SHANK1: variants seen among roughly 807,000 people sequenced by gnomAD.
SHANK1 encodes SH3 and multiple ankyrin repeat domains protein 1.
Under a neutral mutation model 165.6 loss-of-function variants are expected in SHANK1, and 35 were observed. That is an observed-to-expected ratio of 0.21 (90% confidence interval 0.16 to 0.28). SHANK1 has a LOEUF of 0.28. SHANK1 is among the 10% of genes least tolerant of loss of function. The pLI is 1.00. For synonymous variants in SHANK1, 1,428 were observed against 1,384.8 expected, an observed-to-expected ratio of 1.03 and a Z score of -0.69; for missense variants, 2,681 against 3,036.4, an observed-to-expected ratio of 0.88 and a Z score of 2.75.
chr19:50,661,970 T>C lies in SHANK1; in HGVS notation c.6481A>G (p.Arg2161Gly). Residue 2161 changes from arginine (R) to glycine (G), a missense_variant, in exon 24 of 24, where the codon AGG (arginine) becomes GGG (glycine). By Grantham distance (125) the Arg-to-Gly change is moderately radical. Coordinates refer to ENST00000293441, the MANE Select transcript of SHANK1 (RefSeq NM_016148.5). The stretch of plus-strand genomic sequence containing the variant: ...TGGTCCGTCCAGGCCAGCCATCACC[T>C]CTCCAGGAAGAATTTGAGAGCCCGG... ...IDRALKFFLE[R>G] The C allele has an allele frequency of 6.2e-7, 1 of 1,613,688 alleles. No individual in the cohort carries two copies. The highest frequency in any genetic ancestry group is 8.5e-7 in the Non-Finnish European group (1 of 1,179,966).
In SHANK1 at chr19:50,686,808, G is replaced by A. The variant is rs368730787; in HGVS notation, c.2394C>T (p.Tyr798=). 3.7e-5 allele frequency: 60 copies of A among 1,613,596 alleles called. No homozygotes were observed. The highest frequency in any genetic ancestry group is 5.0e-5 in the Non-Finnish European group (59 of 1,179,750). ...TGGGCACCGGCGCCGGCTGCTGCTC[G>A]TACTCTGTGGGCAAAGAACACGGAT... ...SMTSELEEME[Y]EQQPAPVPSM... Residue 798 remains tyrosine (Y), a synonymous_variant, in exon 20 of 24, where the codon TAC becomes TAT. Transcript: ENST00000293441. This position sits in a 1 kb window ranked among gnomAD's most constrained non-coding sequence, Gnocchi z 5.7.
At chr19:50,707,584 CAG>C (rs2088955158) in intron 8 of SHANK1, among the ~76,000 whole-genome samples, 2 of 145,908 alleles carry the variant, frequency 1.4e-5, no homozygotes, top group Non-Finnish European at 1.5e-5. Context: ...TTTTTTGAGA[CAG>C]AGTCTCGCTC....
In SHANK1 at chr19:50,666,358, C is replaced by G; in HGVS notation, c.5602G>C (p.Ala1868Pro). The G allele has an allele frequency of 6.2e-7, 1 of 1,613,840 alleles. No individual in the cohort carries two copies. ...PQASALATVK[A>P]SIISELSSKL... ...GAGCTGAGTTCACTGATGATGCTGG[C>G]TTTTACTGTGGCCAAGGCTGAGGCC... Residue 1868 changes from alanine to proline, a missense_variant, in exon 23 of 24, where the codon GCC becomes CCC. By Grantham distance (27) the Ala-to-Pro change is conservative. Coordinates refer to ENST00000293441, the MANE Select transcript of SHANK1 (RefSeq NM_016148.5).
Position 50,669,348 on chromosome 19 carries a change from T to A in SHANK1, c.2675-63A>T, listed in dbSNP as rs1985707526. On this transcript the variant is annotated intron_variant, in intron 22 of 23. Transcript: ENST00000293441. ...CGGGGAGGGTCTCCCTGCTCCACTATCCCATAGAACCGCAACAATACTAAT... is the reference window on the plus strand; with the variant it reads ...CGGGGAGGGTCTCCCTGCTCCACTAACCCATAGAACCGCAACAATACTAAT... The A allele has an allele frequency of 3.5e-6, 4 of 1,131,568 alleles. No individual in the cohort carries two copies. In the African/African-American group the frequency reaches 6.2e-5, roughly 17 times the overall value. The allele number at this position is 1,131,568 out of a possible 1,614,324, so 70.1% of individuals were successfully genotyped here.
At chr19:50,694,970 G>T (rs1234437937) in intron 15 of SHANK1, among the ~76,000 whole-genome samples, 3 of 149,782 alleles carry the variant, frequency 2.0e-5, no homozygotes, top group African/African-American at 7.3e-5. Context: ...AGCGCGGGGG[G>T]CGGCTGCGGC....
At chr19:50,709,243 A>G (rs954705859) in intron 8 of SHANK1, among the ~76,000 whole-genome samples, 1 of 151,938 alleles carries the variant, frequency 6.6e-6, no homozygotes, top group Non-Finnish European at 1.5e-5. Flanking sequence ...GGTTCACGCC[A>G]TTCTCCTGTC....
At chr19:50,680,673 C>T (rs1383124120) in intron 21 of SHANK1, among the ~76,000 whole-genome samples, 25 of 145,500 alleles carry the variant, frequency 1.7e-4, no homozygotes, top group Non-Finnish European at 3.5e-4. Context: ...TTTTTTTCCC[C>T]GAGACAGAAT....
At chr19:50,676,383 G>A (rs1269388880) in intron 21 of SHANK1, among the ~76,000 whole-genome samples, 1 of 152,134 alleles carries the variant, frequency 6.6e-6, no homozygotes, top group Non-Finnish European at 1.5e-5. Context: ...AGGTGAAGGA[G>A]GGGGCATAAT....
At position 50,690,698 on chromosome 19, in the gene SHANK1, C is replaced by T. The variant is rs1211133383; in HGVS notation, c.1965-1419G>A. ...CCACAAATTCAGCAAAACAGCCGTC[C>T]TCGAATACTCCAGTATGTTTCGGCA... is the stretch of plus-strand genomic sequence containing the variant. On this transcript the variant is annotated intron_variant, in intron 15 of 23. Transcript: ENST00000293441. The surrounding 1 kb of genome is among the most constrained non-coding windows in gnomAD (Gnocchi z 4.9). Among the ~76,000 whole-genome samples, 1 of 152,100 alleles carries T rather than the reference C, an allele frequency of 6.6e-6. No homozygotes were observed. The highest frequency in any genetic ancestry group is 2.4e-5 in the African/African-American group (1 of 41,386).
At chr19:50,698,096 C>T (rs919619240) in intron 12 of SHANK1, 140 bp from the exon 13 acceptor site, 6 of 659,314 alleles carry the variant, frequency 9.1e-6, no homozygotes, top group African/African-American at 5.4e-5. Context: ...GAGGAAGGGG[C>T]GAGGAGCTTG....
chr19:50,665,682 G>A (rs148060310), intron 23 of SHANK1, among the ~76,000 whole-genome samples: 2 of 144,648 alleles, frequency 1.4e-5, no homozygotes, highest in Non-Finnish European at 3.0e-5. Context: ...GGCTGCAAGT[G>A]AGCTATGATT....
Position 50,661,841 on chromosome 19 carries a change from A to T in SHANK1, c.*124T>A. On this transcript the variant is annotated 3_prime_UTR_variant, in exon 24 of 24. Coordinates refer to ENST00000293441, the MANE Select transcript of SHANK1 (RefSeq NM_016148.5). ...TGGTGACCTCTGGCCTTGGGAGATG[A>T]GGGCAGGGCGCAGTTTGAACAGAGT... 1 of 1,104,002 alleles carries T rather than the reference A, an allele frequency of 9.1e-7. No homozygotes were observed. Among genetic ancestry groups the T allele is most frequent in the Non-Finnish European group, 1.3e-6 (1 of 759,164 alleles). 68.4% of individuals were successfully genotyped at this position (1,104,002 alleles called of 1,614,324 possible).
Position 50,716,359 on chromosome 19 carries a change from G to C in SHANK1, c.375C>G (p.Ser125=). ...CCTCCAGGAAGTTGGCATCGCGGCC[G>C]GAGGTGGCCGGTTGGAACAGGCCAT... ...LNYGLFQPAT[S]GRDANFLEEE... Residue 125 remains serine, a synonymous_variant, in exon 3 of 24, where the codon TCC becomes TCG. Transcript: ENST00000293441. The surrounding 1 kb of genome is among the most constrained non-coding windows in gnomAD (Gnocchi z 8.4). 6.2e-7 allele frequency: 1 copy of C among 1,614,230 alleles called. No homozygotes were observed. The highest frequency in any genetic ancestry group is 8.5e-7 in the Non-Finnish European group (1 of 1,180,028).
chr19:50,674,398 C>G (rs1193486776), intron 21 of SHANK1, among the ~76,000 whole-genome samples: 1 of 152,104 alleles, frequency 6.6e-6, no homozygotes, highest in Non-Finnish European at 1.5e-5. Flanking sequence ...GAAGTTCGCA[C>G]CTTTGGGATG....
chr19:50,694,062 CAG>C (rs1986638135), intron 15 of SHANK1, among the ~76,000 whole-genome samples: 1 of 145,630 alleles, frequency 6.9e-6, no homozygotes, highest in South Asian at 2.2e-4. Context: ...CACACACACA[CAG>C]TCCCAGACAG....
chr19:50,709,847 G>A (rs1452940191), intron 8 of SHANK1, among the ~76,000 whole-genome samples: 1 of 152,188 alleles, frequency 6.6e-6, no homozygotes, highest in Non-Finnish European at 1.5e-5. Flanking sequence ...CACCGTGCCT[G>A]GTCTAATTCT....
chr19:50,709,178 A>G (rs978798717), intron 8 of SHANK1, among the ~76,000 whole-genome samples: 7 of 152,222 alleles, frequency 4.6e-5, no homozygotes, highest in East Asian at 1.9e-4. Flanking sequence ...TCGCTCTATC[A>G]CCCAGGCTGG....
chr19:50,696,260 CG>C (rs1986737221), intron 15 of SHANK1, among the ~76,000 whole-genome samples: 1 of 152,176 alleles, frequency 6.6e-6, no homozygotes, highest in Non-Finnish European at 1.5e-5. Flanking sequence ...CATAGAAGCT[CG>C]GGGTGTGGGG....
intron 19 of SHANK1, chr19:50,687,128 CG>C: frequency 6.1e-6 from 5 of 826,308 alleles, no homozygotes; most frequent in South Asian, 2.4e-5. Flanking sequence ...CCGCCTCCCT[CG>C]GGGCCCCGGG....
Sources: allele counts gnomAD v4.1 joint callset (sites outside exome capture counted in the v4.1 genomes callset), GRCh38; gene constraint gnomAD v4.1.1; non-coding constraint Gnocchi (gnomAD v3.1); transcripts MANE v1.5; gene names NCBI Gene and HGNC (gene_info 2026-07-23, HGNC 2026-07-21).